The following C9orf78 variants were observed in gnomAD, a reference collection of about 807,000 sequenced individuals.
C9orf78 encodes the protein splicing factor C9orf78.
Under a neutral mutation model 37.4 loss-of-function variants are expected in C9orf78, and 19 were observed. The observed-to-expected ratio is 0.51, with a 90% CI of 0.35 to 0.74. C9orf78 has a LOEUF of 0.74. Ranked by LOEUF, C9orf78 falls within the 30% of genes least tolerant of loss-of-function variation. C9orf78 has a pLI of 0.01. For missense variants in C9orf78, 291 were observed against 370.8 expected (o/e 0.78, Z 1.77); for synonymous variants, 130 against 128.0 (o/e 1.02, Z -0.10).
chr9:129,833,015 G>GTATATGTGTATATACATGTGTGTATATA (rs1554738827), intron 4 of C9orf78, among the ~76,000 whole-genome samples: 1 of 149,156 alleles, frequency 6.7e-6, no homozygotes, highest in East Asian at 2.0e-4. Flanking sequence ...GTGTGTGTGT[G>GTATATGTGTATATACATGTGTGTATATA]TATATGTGTA....
intron 4 of C9orf78, 131 bp from the exon 5 acceptor site, chr9:129,832,104 T>G: frequency 1.7e-6 from 1 of 598,280 alleles, no homozygotes. Context: ...AAAAAAAAAA[T>G]GCCGTAGTAT....
rs772286380 is a variant in C9orf78, at chr9:129,829,464, T to C, written c.620A>G (p.Asp207Gly). The C allele has an allele frequency of 4.3e-6, 7 of 1,614,116 alleles. No individual in the cohort carries two copies. The South Asian group carries it at 7.7e-5, about 18-fold the overall frequency. ...LLAEQQNKKK[D>G]SETSFVPTNM... ...GGTAGGCACGAAGGAGGTCTCGCTG[T>C]CTTTCTTCTTGTTCTGCTGCTCTGC... The change falls in exon 7 of 9, where the codon GAC becomes GGC. Residue 207 changes from aspartate (D) to glycine (G), a missense_variant. Coordinates refer to ENST00000372447, the MANE Select transcript of C9orf78 (RefSeq NM_016520.3).
In C9orf78 at chr9:129,831,059, G is replaced by A. The variant is rs1331714867; in HGVS notation, c.354C>T (p.Tyr118=). ...RRDEDADMMK[Y]IETELKKRKG... is the part of the protein sequence containing the mutation. ...TCCTCTTCTTTAGCTCTGTCTCAAT[G>A]TACTTCATCCTGAAGTGAGAAACCC... Residue 118 remains tyrosine (Y), a synonymous_variant, in exon 6 of 9, where the codon TAC becomes TAT. Transcript: ENST00000372447. 2 of 1,611,542 alleles carry A rather than the reference G, an allele frequency of 1.2e-6. No homozygotes were observed. The highest frequency in any genetic ancestry group is 1.7e-6 in the Non-Finnish European group (2 of 1,178,080).
intron 3 of C9orf78, 29 bp downstream of exon 3, chr9:129,833,629 A>G: frequency 1.3e-6 from 2 of 1,566,084 alleles, no homozygotes; most frequent in Non-Finnish European, 1.8e-6. Context: ...GGGCTGCCAT[A>G]ACTACTCAGG....
chr9:129,832,085 G>A, intron 4 of C9orf78, 112 bp from the exon 5 acceptor site: 1 of 577,770 alleles, frequency 1.7e-6, no homozygotes. Flanking sequence ...CCTATTTACA[G>A]TTGGCAAAAA....
chr9:129,829,061 T>A (rs756834298), intron 8 of C9orf78, 144 bp downstream of exon 8: 2 of 710,840 alleles, frequency 2.8e-6, no homozygotes, highest in Non-Finnish European at 5.1e-6. Context: ...GGAAGGCACA[T>A]AGTCATGGTC....
At chr9:129,829,608 G>A in intron 6 of C9orf78, 67 bp from the exon 7 acceptor site, 1 of 1,410,844 alleles carries the variant, frequency 7.1e-7, no homozygotes, top group Non-Finnish European at 9.9e-7. Context: ...CATGAGTGGT[G>A]AGGCTGGCAG....
intron 6 of C9orf78, 59 bp from the exon 7 acceptor site, chr9:129,829,600 T>C (rs2031439762): frequency 6.6e-7 from 1 of 1,514,642 alleles, no homozygotes; most frequent in Non-Finnish European, 9.1e-7. Context: ...TACTCAGACA[T>C]GAGTGGTGAG....
In C9orf78 at chr9:129,831,047, C is replaced by T. The variant is rs781274202; in HGVS notation, c.366G>A (p.Glu122=). 1.2e-6 allele frequency: 2 copies of T among 1,613,256 alleles called. No individual in the cohort carries two copies. The highest frequency in any genetic ancestry group is 1.1e-5 in the South Asian group (1 of 91,070). Residue 122 remains glutamate, a synonymous_variant, in exon 6 of 9, where the codon GAG becomes GAA. Coordinates refer to ENST00000372447, the MANE Select transcript of C9orf78 (RefSeq NM_016520.3). ...CCACGATCCCTTTCCTCTTCTTTAGCTCTGTCTCAATGTACTTCATCCTGA... is the reference window on the plus strand; with the variant it reads ...CCACGATCCCTTTCCTCTTCTTTAGTTCTGTCTCAATGTACTTCATCCTGA... ...DADMMKYIET[E]LKKRKGIVEH...
At chr9:129,834,641 A>T (rs2031642059) in intron 2 of C9orf78, 66 bp downstream of exon 2, 2 of 1,150,080 alleles carry the variant, frequency 1.7e-6, no homozygotes, top group African/African-American at 1.5e-5. Context: ...TATTTGTGAC[A>T]GCGACCCGGA....
chr9:129,829,312 A>G lies in C9orf78; in HGVS notation c.680-9T>C, dbSNP rs769579469. 9.4e-6 allele frequency: 15 copies of G among 1,602,838 alleles called. No homozygotes were observed. The South Asian group carries it at 1.3e-4, about 14-fold the overall frequency. On this transcript the variant is annotated splice_polypyrimidine_tract_variant and intron_variant, in intron 7 of 8. Transcript: ENST00000372447. ...GAGCTCCTCATGATAAACTGGACCC[A>G]AAGAGACCAGGGGACACGTTAGAAC...
chr9:129,833,712 G>T lies in C9orf78; in HGVS notation c.144-3C>A. The T allele has an allele frequency of 6.2e-7, 1 of 1,604,400 alleles. No homozygotes were observed. The highest frequency in any genetic ancestry group is 8.5e-7 in the Non-Finnish European group (1 of 1,174,184). ...CTCCCACCAGCAAGGCCACAGCACT[G>T]AGCAAAACCAAAAAAAAAAGAGAGG... On this transcript the variant is annotated splice_polypyrimidine_tract_variant and splice_region_variant and intron_variant, in intron 2 of 8. Coordinates refer to ENST00000372447, the MANE Select transcript of C9orf78 (RefSeq NM_016520.3).
Position 129,833,639 on chromosome 9 carries a change from G to A in C9orf78, c.195+19C>T. ...AGGGAGGGCTGCCATAACTACTCAG[G>A]GAAGACCCCATAACTTACCACTAGA... On this transcript the variant is annotated intron_variant, in intron 3 of 8. Coordinates refer to ENST00000372447, the MANE Select transcript of C9orf78 (RefSeq NM_016520.3). 1 of 1,589,226 alleles carries A rather than the reference G, an allele frequency of 6.3e-7. No homozygotes were observed. The highest frequency in any genetic ancestry group is 8.6e-7 in the Non-Finnish European group (1 of 1,157,648).
chr9:129,830,565 G>T, intron 6 of C9orf78: 1 of 349,598 alleles, frequency 2.9e-6, no homozygotes, highest in South Asian at 2.8e-5. Context: ...CCAGACTGGA[G>T]TGCAGTGGCA....
intron 4 of C9orf78, among the ~76,000 whole-genome samples, 173 bp from the exon 5 acceptor site, chr9:129,832,146 C>T (rs2031515941): frequency 6.6e-6 from 1 of 151,862 alleles, no homozygotes; most frequent in Non-Finnish European, 1.5e-5. Flanking sequence ...GAAATATATG[C>T]AAGCAAACTG....
chr9:129,835,003 C>T (rs552763768), intron 1 of C9orf78, 136 bp downstream of exon 1: 2 of 787,238 alleles, frequency 2.5e-6, no homozygotes, highest in African/African-American at 1.7e-5. Context: ...CCCCTTGAGC[C>T]TCAATTTCTG....
At chr9:129,829,698 C>T (rs1208779409) in intron 6 of C9orf78, 157 bp from the exon 7 acceptor site, 4 of 634,994 alleles carry the variant, frequency 6.3e-6, no homozygotes, top group East Asian at 2.6e-5. Context: ...CACATTCTCA[C>T]GGGACTCTCA....
chr9:129,828,020 C>G lies in C9orf78; in HGVS notation c.*141G>C. 4 of 510,894 alleles carry G rather than the reference C, an allele frequency of 7.8e-6. No individual in the cohort carries two copies. The highest frequency in any genetic ancestry group is 1.6e-5 in the Non-Finnish European group (4 of 257,642). The allele number at this position is 510,894 out of a possible 1,614,324, so 31.6% of individuals were successfully genotyped here. ...GTTGGTCAGGCTGGTCTCAAACTCCCGACCTCAGGTGATCCGCCCACCTCG... is the reference window on the plus strand; with the variant it reads ...GTTGGTCAGGCTGGTCTCAAACTCCGGACCTCAGGTGATCCGCCCACCTCG... On this transcript the variant is annotated 3_prime_UTR_variant, in exon 9 of 9. Coordinates refer to ENST00000372447, the MANE Select transcript of C9orf78 (RefSeq NM_016520.3).
chr9:129,834,680 T>C, intron 2 of C9orf78, 27 bp downstream of exon 2: 5 of 1,527,678 alleles, frequency 3.3e-6, no homozygotes, highest in Non-Finnish European at 4.5e-6. Context: ...CCCCGCCGCC[T>C]CCTCCTCCTC....
Sources: gnomAD v4.1 joint callset for allele counts (sites outside exome capture counted in the v4.1 genomes callset) on GRCh38, gnomAD v4.1.1 for gene constraint, MANE v1.5 for transcripts, NCBI Gene and HGNC (gene_info 2026-07-23, HGNC 2026-07-21) for gene names.